The following AUTS2 variants were observed in gnomAD, a reference collection of about 807,000 sequenced individuals.
AUTS2 encodes autism susceptibility gene 2 protein.
A neutral mutation model predicts 112.4 loss-of-function variants in AUTS2; 17 were observed. The ratio of observed to expected loss-of-function variants is 0.15; its 90% CI spans 0.10 to 0.23. The LOEUF is 0.23. Ranked by LOEUF, AUTS2 falls within the 10% of genes least tolerant of loss-of-function variation. AUTS2 has a pLI of 1.00. For missense variants in AUTS2, 1,510 were observed against 1,701.6 expected (o/e 0.89, Z 1.98); for synonymous variants, 751 against 702.7 (o/e 1.07, Z -1.09).
At chr7:70,780,332 A>ATGGT (rs905569497) in intron 14 of AUTS2, among the ~76,000 whole-genome samples, 21 of 152,286 alleles carry the variant, frequency 1.4e-4, no homozygotes, top group African/African-American at 5.1e-4. Context: ...GCCTAAGAGG[A>ATGGT]TGGTAGGCGG....
At chr7:70,491,582 A>G (rs1267709334) in intron 5 of AUTS2, among the ~76,000 whole-genome samples, 2 of 132,330 alleles carry the variant, frequency 1.5e-5, no homozygotes, top group Non-Finnish European at 3.2e-5. Context: ...TATATAATGT[A>G]TATATATTGT....
chr7:69,987,111 C>T (rs1197565278), intron 2 of AUTS2, among the ~76,000 whole-genome samples: 1 of 152,168 alleles, frequency 6.6e-6, no homozygotes. Context: ...TTTTACATCA[C>T]ACCATAATTT....
At chr7:70,728,682 T>C (rs1411647369) in intron 6 of AUTS2, among the ~76,000 whole-genome samples, 1 of 126,644 alleles carries the variant, frequency 7.9e-6, no homozygotes, top group Non-Finnish European at 1.6e-5. Context: ...CACTCCAGCC[T>C]GGGAGACAGA....
At chr7:70,698,661 T>C (rs1251402354) in intron 6 of AUTS2, 41 bp downstream of exon 6, 2 of 1,465,926 alleles carry the variant, frequency 1.4e-6, no homozygotes, top group Non-Finnish European at 1.9e-6. Flanking sequence ...CTTATTTTTA[T>C]GTTAGTTTCA....
In AUTS2 at chr7:69,899,325, C is replaced by G; in HGVS notation, c.349C>G (p.Arg117Gly). ...ALKPQERVEKRQTPLTKKKRE... is the reference protein window; with the variant it reads ...ALKPQERVEKGQTPLTKKKRE... ...TAAGCCTCAGGAACGTGTGGAGAAA[C>G]GCCAGACGCCCCTGACCAAGAAGAA... Residue 117 changes from arginine (R) to glycine (G), a missense_variant, in exon 2 of 19, where the codon CGC (arginine) becomes GGC (glycine). By Grantham distance (125) the Arg-to-Gly change is moderately radical (BLOSUM62 -2). Around this residue, in one of 3 missense-constraint regions of AUTS2, gnomAD observed 535 missense variants for 594.3 expected, o/e 0.90. Coordinates refer to ENST00000342771, the MANE Select transcript of AUTS2 (RefSeq NM_015570.4). 6.2e-7 allele frequency: 1 copy of G among 1,613,936 alleles called. No individual in the cohort carries two copies. Among genetic ancestry groups the G allele is most frequent in the Non-Finnish European group, 8.5e-7 (1 of 1,179,888 alleles).
intron 1 of AUTS2, among the ~76,000 whole-genome samples, chr7:69,826,253 G>A (rs1791238567): frequency 6.6e-6 from 1 of 152,164 alleles, no homozygotes; most frequent in African/African-American, 2.4e-5. Flanking sequence ...TGTCCAGAAG[G>A]TTTTAATCTC....
chr7:69,698,649 A>G (rs1334760227), intron 1 of AUTS2, among the ~76,000 whole-genome samples: 1 of 152,214 alleles, frequency 6.6e-6, no homozygotes, highest in Non-Finnish European at 1.5e-5. Flanking sequence ...ACTTAACACA[A>G]GAAACATATG....
chr7:70,317,184 A>G (rs1436136448), intron 4 of AUTS2: 1 of 151,986 alleles, frequency 6.6e-6, no homozygotes, highest in African/African-American at 2.4e-5. Context: ...CTTGAAAAAA[A>G]TGTTTTGTAC....
chr7:70,275,008 A>G (rs1787864007), intron 4 of AUTS2, among the ~76,000 whole-genome samples: 2 of 152,236 alleles, frequency 1.3e-5, no homozygotes, highest in Non-Finnish European at 2.9e-5. Flanking sequence ...ATCAGTTTGT[A>G]AATGAATAAA....
intron 5 of AUTS2, among the ~76,000 whole-genome samples, chr7:70,690,583 G>A: frequency 6.6e-6 from 1 of 152,150 alleles, no homozygotes; most frequent in South Asian, 2.1e-4. Flanking sequence ...TAATTTGTAA[G>A]AAATATTTTG....
chr7:70,789,864 A>C lies in AUTS2; in HGVS notation c.2648A>C (p.Glu883Ala). 6.2e-7 allele frequency: 1 copy of C among 1,614,124 alleles called. No individual in the cohort carries two copies. The highest frequency in any genetic ancestry group is 8.5e-7 in the Non-Finnish European group (1 of 1,180,018). ...TEQIRAHLNT[E>A]AREKDKPKER... ...CAGATCCGGGCTCATCTGAACACTG[A>C]GGCTCGGGAGAAGGACAAACCCAAA... The change falls in exon 19 of 19, where the codon GAG (glutamate) becomes GCG (alanine). Residue 883 changes from glutamate to alanine, a missense_variant. Coordinates refer to ENST00000342771, the MANE Select transcript of AUTS2 (RefSeq NM_015570.4).
chr7:70,608,359 A>T (rs879858612), intron 5 of AUTS2, among the ~76,000 whole-genome samples: 2 of 151,874 alleles, frequency 1.3e-5, no homozygotes, highest in African/African-American at 2.4e-5. Context: ...CCCACCCTGG[A>T]CTCCCAAAGT....
At chr7:70,045,059 G>A (rs1055054727) in intron 2 of AUTS2, among the ~76,000 whole-genome samples, 1 of 151,712 alleles carries the variant, frequency 6.6e-6, no homozygotes, top group Non-Finnish European at 1.5e-5. Flanking sequence ...CGCTAGACTT[G>A]TGAACTGCTG....
chr7:70,659,245 C>T (rs973242960), intron 5 of AUTS2, among the ~76,000 whole-genome samples: 1 of 152,234 alleles, frequency 6.6e-6, no homozygotes, highest in African/African-American at 2.4e-5. Flanking sequence ...ATCACGCCCA[C>T]GACTGGCGGT....
chr7:70,609,423 C>T (rs547818439), intron 5 of AUTS2, among the ~76,000 whole-genome samples: 1 of 131,154 alleles, frequency 7.6e-6, no homozygotes, highest in South Asian at 2.5e-4. Context: ...GAGACAGAGT[C>T]TCACTCTGTC....
chr7:69,750,090 A>G (rs917146581), intron 1 of AUTS2, among the ~76,000 whole-genome samples: 1 of 152,146 alleles, frequency 6.6e-6, no homozygotes, highest in Non-Finnish European at 1.5e-5. Flanking sequence ...TTCAGAGTTC[A>G]TTTGGTATGT....
chr7:70,566,343 T>C (rs1801707507), intron 5 of AUTS2, among the ~76,000 whole-genome samples: 1 of 152,194 alleles, frequency 6.6e-6, no homozygotes, highest in Non-Finnish European at 1.5e-5. Flanking sequence ...TTCTTGTCTT[T>C]TGTCCCTGGC....
chr7:70,244,009 C>T (rs1812771590), intron 4 of AUTS2, among the ~76,000 whole-genome samples: 1 of 151,754 alleles, frequency 6.6e-6, no homozygotes, highest in African/African-American at 2.4e-5. Flanking sequence ...GGGAGATACT[C>T]CTATTCTTAC....
At chr7:70,144,876 C>CA (rs1418967987) in intron 4 of AUTS2, among the ~76,000 whole-genome samples, 1 of 152,028 alleles carries the variant, frequency 6.6e-6, no homozygotes. Flanking sequence ...TCTTTTTTAT[C>CA]AAAAAGTCTA....
Sources: gnomAD v4.1 joint callset for allele counts (sites outside exome capture counted in the v4.1 genomes callset) on GRCh38, gnomAD v4.1.1 for gene constraint, gnomAD v4.1.1 regional missense constraint, MANE v1.5 for transcripts, NCBI Gene and HGNC (gene_info 2026-07-23, HGNC 2026-07-21) for gene names.